Variants in SLC24A2 observed in about 807,000 individuals in gnomAD.
The protein encoded by SLC24A2 is sodium/potassium/calcium exchanger 2.
SLC24A2 carries 36 observed loss-of-function variants against 62.0 expected under a neutral mutation model. That is an observed-to-expected ratio of 0.58 (90% CI 0.44 to 0.77). The LOEUF is 0.77. Ranked by LOEUF, SLC24A2 falls within the 30% of genes least tolerant of loss-of-function variation. The probability of loss-of-function intolerance (pLI) is 0.00; values close to 1 mark genes in which losing one functional copy is unlikely to be tolerated. For missense variants in SLC24A2, 846 were observed against 817.9 expected (o/e 1.03, Z -0.42); for synonymous variants, 358 against 294.0 (o/e 1.22, Z -2.23).
At chr9:19,594,895 C>T (rs1836664039) in intron 5 of SLC24A2, among the ~76,000 whole-genome samples, 1 of 152,144 alleles carries the variant, frequency 6.6e-6, no homozygotes, top group South Asian at 2.1e-4. Context: ...GATGGAGTAC[C>T]AGAATTAGGT....
At chr9:19,907,823 T>C in the SLC24A2 span, among the ~76,000 whole-genome samples, 1 of 152,028 alleles carries the variant, frequency 6.6e-6, no homozygotes, top group African/African-American at 2.4e-5. Context: ...CACTGCTCAA[T>C]GAAATAAAAG....
At chr9:19,520,452 T>C (rs759472671) in intron 10 of SLC24A2, among the ~76,000 whole-genome samples, 4 of 152,182 alleles carry the variant, frequency 2.6e-5, no homozygotes, top group Non-Finnish European at 5.9e-5. Context: ...ACTGTCAGTA[T>C]TTTCCAAGGA....
chr9:20,090,493 G>A, the SLC24A2 span, among the ~76,000 whole-genome samples: 11 of 152,156 alleles, frequency 7.2e-5, no homozygotes, highest in South Asian at 2.1e-4. Context: ...AGGGGTATAG[G>A]GGAGCCCCAC....
At chr9:20,008,087 G>C in the SLC24A2 span, among the ~76,000 whole-genome samples, 1 of 151,268 alleles carries the variant, frequency 6.6e-6, no homozygotes, top group Non-Finnish European at 1.5e-5. Context: ...ATAGAGACGG[G>C]GTTTTGCCAC....
At position 19,515,181 on chromosome 9, in the gene SLC24A2, C is replaced by T. The variant is rs999025261; in HGVS notation, c.*972G>A. 6.6e-6 allele frequency: 1 copy of T among 152,058 alleles called. No homozygotes were observed. The highest frequency in any genetic ancestry group is 6.5e-5 in the Admixed American group (1 of 15,268). The allele number at this position is 152,058 out of a possible 1,614,324, so 9.4% of individuals were successfully genotyped here. On this transcript the variant is annotated 3_prime_UTR_variant, in exon 11 of 11. Coordinates refer to ENST00000341998, the MANE Select transcript of SLC24A2 (RefSeq NM_020344.4). ...GTTCAGTTTATATAGTCTTGCTGTC[C>T]TAGAAAAAGCACTAATTTGGTTTGT...
the SLC24A2 span, among the ~76,000 whole-genome samples, chr9:19,814,605 T>C: frequency 1.8e-4 from 28 of 152,280 alleles, 1 homozygote; most frequent in African/African-American, 6.7e-4. Context: ...TAAAGGTAAA[T>C]AATCAAAACC....
At chr9:19,624,449 CCTGT>C (rs1178116168) in intron 2 of SLC24A2, among the ~76,000 whole-genome samples, 2 of 151,950 alleles carry the variant, frequency 1.3e-5, no homozygotes, top group African/African-American at 4.8e-5. Context: ...AAAATCCAAA[CCTGT>C]CTTTTGGTCT....
the SLC24A2 span, among the ~76,000 whole-genome samples, chr9:19,823,271 C>T: frequency 1.3e-5 from 2 of 150,338 alleles, no homozygotes; most frequent in East Asian, 1.9e-4. Context: ...TTATGAATAC[C>T]CTCACCCAGG....
chr9:19,542,926 G>A (rs1057505993), intron 8 of SLC24A2, among the ~76,000 whole-genome samples: 1 of 152,120 alleles, frequency 6.6e-6, no homozygotes, highest in African/African-American at 2.4e-5. Context: ...GGCAGGTTTT[G>A]GTATCAGGAT....
chr9:20,287,649 G>A, the SLC24A2 span, among the ~76,000 whole-genome samples: 71 of 152,294 alleles, frequency 4.7e-4, 1 homozygote, highest in African/African-American at 1.4e-3. Context: ...CAAAATACGT[G>A]CCTTCGCAGA....
chr9:20,051,965 T>G, the SLC24A2 span, among the ~76,000 whole-genome samples: 19 of 152,186 alleles, frequency 1.2e-4, no homozygotes, highest in African/African-American at 4.6e-4. Flanking sequence ...AATAATTGTT[T>G]CTAGCTCGCA....
chr9:19,547,300 G>A (rs757016379), intron 8 of SLC24A2, among the ~76,000 whole-genome samples: 11 of 152,162 alleles, frequency 7.2e-5, no homozygotes, highest in Non-Finnish European at 1.3e-4. Flanking sequence ...GTAAAGCCCC[G>A]CTGGCTACCC....
the SLC24A2 span, among the ~76,000 whole-genome samples, chr9:19,831,386 C>G: frequency 6.6e-6 from 1 of 152,040 alleles, no homozygotes; most frequent in Non-Finnish European, 1.5e-5. Context: ...TTAAAATTCC[C>G]CCACCACTCT....
At chr9:19,676,474 G>A (rs966468089) in intron 2 of SLC24A2, among the ~76,000 whole-genome samples, 1 of 152,188 alleles carries the variant, frequency 6.6e-6, no homozygotes, top group Admixed American at 6.5e-5. Flanking sequence ...GCTCTGTCCT[G>A]GCACTGCGGC....
chr9:19,857,921 T>C, the SLC24A2 span, among the ~76,000 whole-genome samples: 1 of 152,144 alleles, frequency 6.6e-6, no homozygotes, highest in South Asian at 2.1e-4. Flanking sequence ...AAAATGGCCA[T>C]ACTGCCCAAA....
At chr9:19,888,509 T>A in the SLC24A2 span, among the ~76,000 whole-genome samples, 1 of 152,194 alleles carries the variant, frequency 6.6e-6, no homozygotes. Context: ...AGTGATTAAA[T>A]CTTAGTGGCA....
intron 10 of SLC24A2, among the ~76,000 whole-genome samples, chr9:19,518,204 A>C (rs74921829): frequency 0.017 from 2,642 of 152,284 alleles, 79 homozygotes; most frequent in African/African-American, 0.061. Context: ...TAAATAGTAA[A>C]TAAGTAAATG....
chr9:19,636,390 C>CCT (rs199847385), intron 2 of SLC24A2, among the ~76,000 whole-genome samples: 1,292 of 67,002 alleles, frequency 0.019, 176 homozygotes, highest in East Asian at 0.14. Context: ...TTTCTTTCTC[C>CCT]CTCTCTCTCT....
chr9:20,064,334 T>C, the SLC24A2 span, among the ~76,000 whole-genome samples: 6 of 152,320 alleles, frequency 3.9e-5, no homozygotes, highest in South Asian at 2.1e-4. Context: ...TGGGTATTCA[T>C]TGCAAACAGA....
Sources: gnomAD v4.1 joint callset for allele counts (sites outside exome capture counted in the v4.1 genomes callset) on GRCh38, gnomAD v4.1.1 for gene constraint, MANE v1.5 for transcripts, NCBI Gene and HGNC (gene_info 2026-07-23, HGNC 2026-07-21) for gene names.